Variants in LIG3 observed in about 807,000 individuals in gnomAD.
The protein encoded by LIG3 is DNA ligase 3.
In LIG3, 58 loss-of-function variants were observed where a neutral mutation model predicts 110.9. That is an observed-to-expected ratio of 0.52 (90% CI 0.42 to 0.65). The LOEUF (loss-of-function observed/expected upper bound fraction) is 0.65. LIG3 is among the 30% of genes least tolerant of loss of function. The pLI, the probability that LIG3 is intolerant of heterozygous loss-of-function variation, is 0.00. For synonymous variants in LIG3, 422 were observed against 472.8 expected, an observed-to-expected ratio of 0.89 and a Z score of 1.39; for missense variants, 1,094 against 1,273.8, an observed-to-expected ratio of 0.86 and a Z score of 2.15.
chr17:34,980,687 G>C lies in LIG3; in HGVS notation c.-5+65G>C. On this transcript the variant is annotated intron_variant, in intron 1 of 19. Coordinates refer to ENST00000378526, the MANE Select transcript of LIG3 (RefSeq NM_013975.4). ...GGCGTGGGGAAGGCAGCGGGCCCGGGGCGAGGAGCTCGGCGCGGCCGGGGA... is the reference window on the plus strand; with the variant it reads ...GGCGTGGGGAAGGCAGCGGGCCCGGCGCGAGGAGCTCGGCGCGGCCGGGGA... 7.3e-6 allele frequency: 7 copies of C among 952,840 alleles called. 1 individual carries two copies. The highest frequency in any genetic ancestry group is 8.9e-6 in the Non-Finnish European group (7 of 789,014). 59.0% of individuals were successfully genotyped at this position (952,840 alleles called of 1,614,324 possible).
At chr17:34,990,689 CCT>C (rs2090709959) in intron 4 of LIG3, among the ~76,000 whole-genome samples, 1 of 152,170 alleles carries the variant, frequency 6.6e-6, no homozygotes, top group Non-Finnish European at 1.5e-5. Flanking sequence ...GCCTCGACCT[CCT>C]GAGCTAAAGC....
At chr17:34,995,761 C>T (rs2090771216) in intron 9 of LIG3, among the ~76,000 whole-genome samples, 1 of 152,216 alleles carries the variant, frequency 6.6e-6, no homozygotes, top group South Asian at 2.1e-4. Flanking sequence ...CCTCCTCCTC[C>T]TCCCCCGACA....
At position 34,991,125 on chromosome 17, in the gene LIG3, CGGGA is replaced by C. The variant is rs751031872; in HGVS notation, c.1041+19_1041+22del. 4 of 1,612,816 alleles carry C rather than the reference CGGGA, an allele frequency of 2.5e-6. No homozygotes were observed. The highest frequency in any genetic ancestry group is 1.7e-6 in the Non-Finnish European group (2 of 1,179,468). On this transcript the variant is annotated intron_variant, in intron 5 of 19. Transcript: ENST00000378526. Reference sequence around the variant, plus strand: ...CGGGACCTAGAGCAGGTCAGAGGAACGGGAGGGAGGGTAGGCTACATTCCAGGTG... The same window carrying C: ...CGGGACCTAGAGCAGGTCAGAGGAACGGGAGGGTAGGCTACATTCCAGGTG...
intron 12 of LIG3, 135 bp downstream of exon 12, chr17:34,997,960 T>C (rs2090796923): frequency 7.0e-6 from 5 of 714,622 alleles, no homozygotes; most frequent in Non-Finnish European, 1.2e-5. Context: ...CCTTTGACTA[T>C]TGCATATGTT....
intron 2 of LIG3, among the ~76,000 whole-genome samples, chr17:34,985,408 T>C (rs376091775): frequency 7.2e-5 from 11 of 152,180 alleles, no homozygotes; most frequent in African/African-American, 2.7e-4. Context: ...CCCATATACT[T>C]TATTCTCAGG....
In LIG3 at chr17:35,005,840, G is replaced by A; in HGVS notation, c.*1334G>A. On this transcript the variant is annotated 3_prime_UTR_variant, in exon 20 of 20. Coordinates refer to ENST00000378526, the MANE Select transcript of LIG3 (RefSeq NM_013975.4). ...TCCAATATGAAATGTGGGAAAGAATGAAGAGCAGCAGTAAAAGAAATACCT... is the reference window on the plus strand; with the variant it reads ...TCCAATATGAAATGTGGGAAAGAATAAAGAGCAGCAGTAAAAGAAATACCT... The A allele has an allele frequency of 1.2e-5, 5 of 426,236 alleles. No homozygotes were observed. Among genetic ancestry groups the A allele is most frequent in the South Asian group, 9.5e-5 (5 of 52,856 alleles). The allele number at this position is 426,236 out of a possible 1,614,324, so 26.4% of individuals were successfully genotyped here.
chr17:34,982,647 C>CAAAAA (rs201908775), intron 1 of LIG3, among the ~76,000 whole-genome samples: 30 of 79,652 alleles, frequency 3.8e-4, no homozygotes, highest in African/African-American at 1.2e-3. Flanking sequence ...AACTCCGCCT[C>CAAAAA]AAAAAAAAAA....
Position 34,998,636 on chromosome 17 carries a change from G to A in LIG3, c.2022G>A (p.Leu674=). 6.2e-7 allele frequency: 1 copy of A among 1,614,234 alleles called. No individual in the cohort carries two copies. The highest frequency in any genetic ancestry group is 8.5e-7 in the Non-Finnish European group (1 of 1,180,030). ...ATGAGCCTGGGAAGCGGCACTGGCT[G>A]AAAGTGAAGAAAGACTATTTGAACG... ...GTYEPGKRHW[L]KVKKDYLNEG... Residue 674 remains leucine, a synonymous_variant, in exon 14 of 20, where the codon CTG becomes CTA. Transcript: ENST00000378526.
rs2090893046 is a variant in LIG3 at position 35,005,987 on chromosome 17, G to C, written c.*1481G>C. The C allele has an allele frequency of 4.0e-6, 1 of 250,314 alleles. No homozygotes were observed. The highest frequency in any genetic ancestry group is 7.8e-6 in the Non-Finnish European group (1 of 127,410). 15.5% of individuals were successfully genotyped at this position (250,314 alleles called of 1,614,324 possible). A position where few individuals can be genotyped will look rare whatever the true frequency, so the allele number is the denominator to read the frequency against. On this transcript the variant is annotated 3_prime_UTR_variant, in exon 20 of 20. Coordinates refer to ENST00000378526, the MANE Select transcript of LIG3 (RefSeq NM_013975.4). ...ACCTATTGATAATACCAACAATGTT[G>C]AGTGGCATTTTCTTCTTAGTTTTTA...
chr17:35,002,553 C>T, intron 18 of LIG3, 115 bp from the exon 19 acceptor site: 2 of 1,085,834 alleles, frequency 1.8e-6, no homozygotes, highest in Non-Finnish European at 2.6e-6. Flanking sequence ...GGCTGGAGTG[C>T]AGTGGCACGA....
At chr17:34,998,111 A>C (rs2090798621) in intron 12 of LIG3, 108 bp from the exon 13 acceptor site, 1 of 792,748 alleles carries the variant, frequency 1.3e-6, no homozygotes, top group Non-Finnish European at 2.0e-6. Flanking sequence ...ATTTCAAGTA[A>C]GGGTGTTTCC....
Position 35,004,369 on chromosome 17 carries a change from G to C in LIG3, c.2893G>C (p.Asp965His), listed in dbSNP as rs1042320819. Residue 965 changes from aspartate to histidine, a missense_variant, in exon 20 of 20, where the codon GAC (aspartate) becomes CAC (histidine). By Grantham distance (81) the Asp-to-His change is moderately conservative (BLOSUM62 -1). Coordinates refer to ENST00000378526, the MANE Select transcript of LIG3 (RefSeq NM_013975.4). ...LRRYFVAFDG[D>H]LVQEFDMTSA... Reference sequence around the variant, plus strand: ...ACGCTACTTTGTGGCATTCGACGGGGACCTGGTACAGGAATTTGATATGAC... The same window carrying C: ...ACGCTACTTTGTGGCATTCGACGGGCACCTGGTACAGGAATTTGATATGAC... 1.9e-6 allele frequency: 3 copies of C among 1,614,084 alleles called. No homozygotes were observed. The highest frequency in any genetic ancestry group is 2.5e-6 in the Non-Finnish European group (3 of 1,180,048).
At chr17:34,990,937 T>C in intron 4 of LIG3, 26 bp from the exon 5 acceptor site, 1 of 1,610,044 alleles carries the variant, frequency 6.2e-7, no homozygotes, top group Non-Finnish European at 8.5e-7. Flanking sequence ...GCTCTATTTC[T>C]CAAGAAGGGT....
Position 34,992,669 on chromosome 17 carries a change from A to G in LIG3, c.1432A>G (p.Met478Val). The G allele has an allele frequency of 6.2e-7, 1 of 1,607,292 alleles. No homozygotes were observed. Among genetic ancestry groups the G allele is most frequent in the Non-Finnish European group, 8.5e-7 (1 of 1,176,958 alleles). Residue 478 changes from methionine (M) to valine (V), a missense_variant, in exon 8 of 20, where the codon ATG (methionine) becomes GTG (valine). Physicochemically the swap from Met to Val is conservative, Grantham distance 21. Coordinates refer to ENST00000378526, the MANE Select transcript of LIG3 (RefSeq NM_013975.4). The stretch of plus-strand genomic sequence containing the variant: ...AGCTCTGAGCGTCCAGGCCTCGCTG[A>G]TGACACCTGTGCAGCCCATGTTGGT... ...RRALSVQASL[M>V]TPVQPMLAEA...
Position 35,001,342 on chromosome 17 carries a change from G to A in LIG3, c.2417G>A (p.Arg806His), listed in dbSNP as rs145709942. ...TADGISIRFP[R>H]CTRIRDDKDW... ...GACGGGATCTCCATCCGATTCCCTC[G>A]CTGCACCCGAATCCGAGATGATAAG... The change falls in exon 17 of 20, where the codon CGC becomes CAC. Residue 806 changes from arginine (R) to histidine (H), a missense_variant. Coordinates refer to ENST00000378526, the MANE Select transcript of LIG3 (RefSeq NM_013975.4). 10 of 1,613,962 alleles carry A rather than the reference G, an allele frequency of 6.2e-6. No homozygotes were observed. Among genetic ancestry groups the A allele is most frequent in the South Asian group, 1.1e-5 (1 of 91,082 alleles).
In LIG3 at chr17:35,005,481, T is replaced by C. The variant is rs1301894791; in HGVS notation, c.*975T>C. On this transcript the variant is annotated 3_prime_UTR_variant, in exon 20 of 20. Coordinates refer to ENST00000378526, the MANE Select transcript of LIG3 (RefSeq NM_013975.4). ...TGTTGAACCCCCAAGTATTGGCTGATGAACGTGGGCATCAGAGGCCAGTAG... is the reference window on the plus strand; with the variant it reads ...TGTTGAACCCCCAAGTATTGGCTGACGAACGTGGGCATCAGAGGCCAGTAG... 1.8e-6 allele frequency: 1 copy of C among 561,806 alleles called. No individual in the cohort carries two copies. Among genetic ancestry groups the C allele is most frequent in the Non-Finnish European group, 3.6e-6 (1 of 277,352 alleles). 34.8% of individuals were successfully genotyped at this position (561,806 alleles called of 1,614,324 possible). A position where few individuals can be genotyped will look rare whatever the true frequency, so the allele number is the denominator to read the frequency against.
rs930546168 is a variant in LIG3, at chr17:35,009,378, T to C, written c.*4872T>C. The C allele has an allele frequency of 1.3e-5, 2 of 152,188 alleles. No homozygotes were observed. Among genetic ancestry groups the C allele is most frequent in the African/African-American group, 4.8e-5 (2 of 41,436 alleles). 9.4% of individuals were successfully genotyped at this position (152,188 alleles called of 1,614,324 possible). A position where few individuals can be genotyped will look rare whatever the true frequency, so the allele number is the denominator to read the frequency against. On this transcript the variant is annotated 3_prime_UTR_variant, in exon 20 of 20. Coordinates refer to ENST00000378526, the MANE Select transcript of LIG3 (RefSeq NM_013975.4). ...TCAGCTATCTGTCTTTTGAAACAAGTCTTAACTGAAATCTCAGAGTAATCA... is the reference window on the plus strand; with the variant it reads ...TCAGCTATCTGTCTTTTGAAACAAGCCTTAACTGAAATCTCAGAGTAATCA...
chr17:34,989,506 C>G lies in LIG3; in HGVS notation c.732C>G (p.Thr244=), dbSNP rs1178037255. Residue 244 remains threonine (T), a synonymous_variant, in exon 4 of 20, where the codon ACC becomes ACG. Transcript: ENST00000378526. The stretch of plus-strand genomic sequence containing the variant: ...CTGGGGAAGCCCCCTCGAGCCCCAC[C>G]CCTAAGAGAAGTCTGTCTTCAAGCA... The part of the protein sequence containing the change: ...NNSGEAPSSP[T]PKRSLSSSKC... The G allele has an allele frequency of 6.2e-7, 1 of 1,613,982 alleles. No individual in the cohort carries two copies. The highest frequency in any genetic ancestry group is 1.3e-5 in the African/African-American group (1 of 74,892).
At chr17:34,990,460 TG>T (rs2142251276) in intron 4 of LIG3, among the ~76,000 whole-genome samples, 1 of 152,330 alleles carries the variant, frequency 6.6e-6, no homozygotes, top group Admixed American at 6.5e-5. Flanking sequence ...TTGTATTTTT[TG>T]TAGAGACGGG....
Sources: allele counts gnomAD v4.1 joint callset (sites outside exome capture counted in the v4.1 genomes callset), GRCh38; gene constraint gnomAD v4.1.1; transcripts MANE v1.5; gene names NCBI Gene and HGNC (gene_info 2026-07-23, HGNC 2026-07-21).